The following CROCC variants were observed in gnomAD, a reference collection of about 807,000 sequenced individuals.
CROCC encodes rootletin.
A neutral mutation model predicts 245.2 loss-of-function variants in CROCC; 180 were observed. The ratio of observed to expected loss-of-function variants is 0.73; its 90% CI spans 0.65 to 0.83. The LOEUF is 0.83. Among genes scored for constraint, CROCC ranks in the 40% least tolerant of loss-of-function variants. CROCC has a pLI of 0.00. For missense variants in CROCC, 2,688 were observed against 2,779.4 expected, an observed-to-expected ratio of 0.97 and a Z score of 0.74; for synonymous variants, 1,205 against 1,241.6, an observed-to-expected ratio of 0.97 and a Z score of 0.62.
chr1:16,942,387 T>G (rs1202758664), intron 13 of CROCC, among the ~76,000 whole-genome samples: 1 of 152,282 alleles, frequency 6.6e-6, no homozygotes, highest in East Asian at 1.9e-4. Context: ...TCTTCATAAA[T>G]GTAACCATCT....
At chr1:16,949,754 C>G (rs2076126950) in intron 19 of CROCC, among the ~76,000 whole-genome samples, 1 of 152,178 alleles carries the variant, frequency 6.6e-6, no homozygotes, top group African/African-American at 2.4e-5. Flanking sequence ...AGTGCTCAGT[C>G]AGGAATAGGG....
chr1:16,934,537 A>C (rs1202307834), intron 8 of CROCC, among the ~76,000 whole-genome samples: 1 of 152,260 alleles, frequency 6.6e-6, no homozygotes, highest in Non-Finnish European at 1.5e-5. Context: ...TCCTGGGCTA[A>C]AGCAGTGCAC....
chr1:16,959,805 G>A (rs1336875506), intron 26 of CROCC, among the ~76,000 whole-genome samples: 2 of 152,164 alleles, frequency 1.3e-5, no homozygotes, highest in Admixed American at 1.3e-4. Flanking sequence ...GAACCAGTGG[G>A]CACTTAACCT....
At chr1:16,945,869 A>C (rs142444899) in intron 15 of CROCC, among the ~76,000 whole-genome samples, 5,294 of 151,204 alleles carry the variant, frequency 0.035, no homozygotes, top group Middle Eastern at 0.058. Context: ...CCTATAGCTC[A>C]GGGTCATCCA....
chr1:16,965,848 C>T lies in CROCC; in HGVS notation c.4531C>T (p.Leu1511Phe). 1 of 1,613,646 alleles carries T rather than the reference C, an allele frequency of 6.2e-7. No homozygotes were observed. Among genetic ancestry groups the T allele is most frequent in the Non-Finnish European group, 8.5e-7 (1 of 1,180,014 alleles). ...DLDPEAVRGA[L>F]REFLQELRSA... ...GGACCCGGAGGCAGTGCGCGGGGCC[C>T]TCCGGGAATTCCTGCAAGAGCTGCG... The change falls in exon 28 of 37, where the codon CTC (leucine) becomes TTC (phenylalanine). Residue 1511 changes from leucine (L) to phenylalanine (F), a missense_variant. Around this residue, in one of 9 missense-constraint regions of CROCC, gnomAD observed 1,218 missense variants for 1,286.3 expected, o/e 0.95. Transcript: ENST00000375541.
At chr1:16,965,679 C>A in intron 27 of CROCC, 44 bp from the exon 28 acceptor site, 1 of 1,361,234 alleles carries the variant, frequency 7.3e-7, no homozygotes, top group Non-Finnish European at 1.0e-6. Flanking sequence ...GTGTGGGAGG[C>A]CCGTGGCTTC....
Position 16,940,091 on chromosome 1 carries a change from C to A in CROCC, c.1806C>A (p.Ser602Arg), listed in dbSNP as rs45452999. Reference protein sequence around the residue: ...QRLRSANELLSREKSNLAHSL... With the variant: ...QRLRSANELLRREKSNLAHSL... Reference sequence around the variant, plus strand: ...TGCGGAGCGCCAACGAGCTCCTGAGCAGGTGCCGGGGAGGTCTGAGCTGGG... The same window carrying A: ...TGCGGAGCGCCAACGAGCTCCTGAGAAGGTGCCGGGGAGGTCTGAGCTGGG... Residue 602 changes from serine to arginine, a missense_variant and splice_region_variant, in exon 13 of 37, where the codon AGC (serine) becomes AGA (arginine). Coordinates refer to ENST00000375541, the MANE Select transcript of CROCC (RefSeq NM_014675.5). 0.014 allele frequency: 22,134 copies of A among 1,593,948 alleles called. 23 individuals carry two copies. Among genetic ancestry groups the A allele is most frequent in the South Asian group, 0.027 (2,455 of 89,502 alleles).
intron 1 of CROCC, 102 bp from the exon 2 acceptor site, chr1:16,922,561 T>C: frequency 6.8e-7 from 1 of 1,465,228 alleles, no homozygotes; most frequent in Middle Eastern, 1.8e-4. Flanking sequence ...AGGGGGCTCC[T>C]GGGGACCTGT....
At chr1:16,947,064 A>C (rs2076066290) in intron 17 of CROCC, 73 bp downstream of exon 17, 1 of 1,348,278 alleles carries the variant, frequency 7.4e-7, no homozygotes, top group Non-Finnish European at 1.0e-6. Context: ...CCCTGCATCC[A>C]GTCCTGGGTT....
Position 16,966,186 on chromosome 1 carries a change from G to A in CROCC, c.4696+67G>A, listed in dbSNP as rs1570712397. ...TTGGGCAGTTGAGGCAGGAGCCGGG[G>A]GATTGGCCTCTGACCTTGCCGTGGC... On this transcript the variant is annotated intron_variant, in intron 29 of 36. Transcript: ENST00000375541. This position sits in a 1 kb window ranked among gnomAD's most constrained non-coding sequence, Gnocchi z 4.8. The A allele has an allele frequency of 1.9e-6, 3 of 1,555,546 alleles. No homozygotes were observed. The highest frequency in any genetic ancestry group is 2.6e-6 in the Non-Finnish European group (3 of 1,146,268).
Position 16,938,964 on chromosome 1 carries a change from C to A in CROCC, c.1430C>A (p.Ala477Glu). ...CAGCTGAGCGGCTCTGAGCGCACCG[C>A]GGATGCTTCCAACGGCAGCCTGCGG... ...GVQLSGSERTADASNGSLRGL... is the reference protein window; with the variant it reads ...GVQLSGSERTEDASNGSLRGL... The change falls in exon 12 of 37, where the codon GCG becomes GAG. Residue 477 changes from alanine to glutamate, a missense_variant. Ala to Glu is a moderately radical substitution (Grantham distance 107, BLOSUM62 -1). This residue lies in a region of CROCC where 972 missense variants were observed against 895.3 expected (regional missense o/e 1.09). Coordinates refer to ENST00000375541, the MANE Select transcript of CROCC (RefSeq NM_014675.5). 6.2e-7 allele frequency: 1 copy of A among 1,605,182 alleles called. No individual in the cohort carries two copies. Among genetic ancestry groups the A allele is most frequent in the Non-Finnish European group, 8.5e-7 (1 of 1,177,488 alleles).
At chr1:16,950,758 G>A (rs1169331075) in intron 19 of CROCC, among the ~76,000 whole-genome samples, 195 bp from the exon 20 acceptor site, 5 of 152,224 alleles carry the variant, frequency 3.3e-5, no homozygotes, top group Non-Finnish European at 7.3e-5. Flanking sequence ...AAGGGGTCAG[G>A]GCCAGTGGGC....
chr1:16,958,263 A>G (rs2076278262), intron 25 of CROCC, among the ~76,000 whole-genome samples: 1 of 152,236 alleles, frequency 6.6e-6, no homozygotes, highest in African/African-American at 2.4e-5. Flanking sequence ...GCCATCGTAG[A>G]GGGGAAAGAT....
rs142962055 is a variant in CROCC at position 16,954,234 on chromosome 1, G to T, written c.3198G>T (p.Leu1066=). The stretch of plus-strand genomic sequence containing the variant: ...CTGCCTCTGCCCAGGCCTTGTCTCT[G>T]AAGGAGTCTGAGAAGACGGCGCTGT... ...AESEKQQALS[L]KESEKTALSE... is the part of the protein sequence containing the mutation. Residue 1066 remains leucine (L), a synonymous_variant, in exon 22 of 37, where the codon CTG becomes CTT. Coordinates refer to ENST00000375541, the MANE Select transcript of CROCC (RefSeq NM_014675.5). This position sits in a 1 kb window ranked among gnomAD's most constrained non-coding sequence, Gnocchi z 4.4. 125 of 1,611,068 alleles carry T rather than the reference G, an allele frequency of 7.8e-5. No individual in the cohort carries two copies. Among genetic ancestry groups the T allele is most frequent in the Non-Finnish European group, 9.7e-5 (114 of 1,179,526 alleles).
chr1:16,935,988 G>C (rs1352773858), intron 8 of CROCC, among the ~76,000 whole-genome samples: 1 of 152,162 alleles, frequency 6.6e-6, no homozygotes, highest in Non-Finnish European at 1.5e-5. Flanking sequence ...CGTTGTGGTT[G>C]TATCACCCTC....
intron 3 of CROCC, among the ~76,000 whole-genome samples, chr1:16,927,729 C>T (rs539386940): frequency 6.6e-5 from 10 of 152,404 alleles, no homozygotes; most frequent in African/African-American, 2.4e-4. Flanking sequence ...CCTCAGGCCA[C>T]CGCCACCACA....
chr1:16,969,901 G>A lies in CROCC; in HGVS notation c.5418G>A (p.Val1806=). Residue 1806 remains valine (V), a synonymous_variant, in exon 33 of 37, where the codon GTG becomes GTA. Coordinates refer to ENST00000375541, the MANE Select transcript of CROCC (RefSeq NM_014675.5). Reference sequence around the variant, plus strand: ...TGGCTGACCTGGAACTGCAGCGGGTGGAGGCCGAGGGCCAGCTACAACAGC... The same window carrying A: ...TGGCTGACCTGGAACTGCAGCGGGTAGAGGCCGAGGGCCAGCTACAACAGC... ...GEVADLELQR[V]EAEGQLQQLR... 1.2e-6 allele frequency: 2 copies of A among 1,607,336 alleles called. No individual in the cohort carries two copies. Among genetic ancestry groups the A allele is most frequent in the East Asian group, 2.2e-5 (1 of 44,794 alleles).
Position 16,922,012 on chromosome 1 carries a change from C to G in CROCC, c.-7C>G, listed in dbSNP as rs1431826452. 2.6e-6 allele frequency: 4 copies of G among 1,543,990 alleles called. No individual in the cohort carries two copies. Among genetic ancestry groups the G allele is most frequent in the Non-Finnish European group, 3.5e-6 (4 of 1,143,152 alleles). ...GGGGCTGGAGGCATGCCCACAGCCT[C>G]CCCCCCATGAGCTTGGGGCTGGCGG... On this transcript the variant is annotated 5_prime_UTR_variant, in exon 1 of 37. Coordinates refer to ENST00000375541, the MANE Select transcript of CROCC (RefSeq NM_014675.5).
chr1:16,921,903 T>G (rs998647699), upstream of CROCC: 10 of 1,137,828 alleles, frequency 8.8e-6, no homozygotes, highest in African/African-American at 4.5e-5. Flanking sequence ...CGCCGCCGGA[T>G]TTAAGCTTAA....
Sources: gnomAD v4.1 joint callset for allele counts (sites outside exome capture counted in the v4.1 genomes callset) on GRCh38, gnomAD v4.1.1 for gene constraint, gnomAD v4.1.1 regional missense constraint, Gnocchi (gnomAD v3.1) non-coding constraint, MANE v1.5 for transcripts, NCBI Gene and HGNC (gene_info 2026-07-23, HGNC 2026-07-21) for gene names.